Variants in BCAR1 observed in about 807,000 individuals in gnomAD.
The protein encoded by BCAR1 is breast cancer anti-estrogen resistance protein 1.
Under a neutral mutation model 67.6 loss-of-function variants are expected in BCAR1, and 30 were observed. The observed-to-expected ratio is 0.44, with a 90% CI of 0.33 to 0.60. BCAR1 has a LOEUF of 0.60. Ranked by LOEUF, BCAR1 falls within the 20% of genes least tolerant of loss-of-function variation. The pLI is 0.02. For missense variants in BCAR1, 1,313 were observed against 1,222.3 expected, an observed-to-expected ratio of 1.07 and a Z score of -1.11; for synonymous variants, 626 against 556.7, an observed-to-expected ratio of 1.12 and a Z score of -1.75.
At chr16:75,262,211 C>T (rs898891358) in intron 1 of BCAR1, among the ~76,000 whole-genome samples, 3 of 152,134 alleles carry the variant, frequency 2.0e-5, no homozygotes, top group Admixed American at 6.5e-5. Flanking sequence ...AGGCTCTGCA[C>T]GGGGATACAG....
intron 1 of BCAR1, among the ~76,000 whole-genome samples, chr16:75,267,721 G>A (rs1014943018): frequency 3.3e-5 from 5 of 152,148 alleles, no homozygotes; most frequent in South Asian, 2.1e-4. Context: ...AGAATGGGGC[G>A]GGCGGTGGAG....
intron 1 of BCAR1, among the ~76,000 whole-genome samples, chr16:75,244,450 C>A (rs1433360170): frequency 2.0e-5 from 3 of 152,222 alleles, no homozygotes; most frequent in Non-Finnish European, 4.4e-5. Context: ...CACCCTCCTC[C>A]CCTATATGAG....
Position 75,257,115 on chromosome 16 carries a change from G to A in BCAR1, c.66+10800C>T, listed in dbSNP as rs1163466605. On this transcript the variant is annotated intron_variant, in intron 1 of 6. Coordinates refer to the BCAR1 transcript ENST00000393422. ...TCAGAGAGGAAGCTCCATGGCTGGGGGCTGCCCAGCTCTCCACTGACTGGC... is the reference window on the plus strand; with the variant it reads ...TCAGAGAGGAAGCTCCATGGCTGGGAGCTGCCCAGCTCTCCACTGACTGGC... 2.0e-5 allele frequency among the ~76,000 whole-genome samples: 3 copies of A among 152,258 alleles called. No homozygotes were observed. In the East Asian group the frequency reaches 5.8e-4, roughly 29 times the overall value.
At chr16:75,238,208 C>A in intron 2 of BCAR1, 1 of 1,197,068 alleles carries the variant, frequency 8.4e-7, no homozygotes, top group Non-Finnish European at 1.1e-6. Context: ...CGGGTAGGGG[C>A]CATGCCAGGC....
chr16:75,248,781 G>C (rs2077595693), intron 1 of BCAR1: 1 of 153,034 alleles, frequency 6.5e-6, no homozygotes, highest in Non-Finnish European at 1.5e-5. Flanking sequence ...TCGTCGGAGA[G>C]GATGAGGCCG....
chr16:75,248,266 A>G (rs2077578865), intron 1 of BCAR1: 2 of 1,461,534 alleles, frequency 1.4e-6, no homozygotes, highest in African/African-American at 2.8e-5. Context: ...CACGCCCCCA[A>G]CGCACACATG....
intron 1 of BCAR1, among the ~76,000 whole-genome samples, 170 bp downstream of exon 1, chr16:75,251,300 TC>T (rs1182879186): frequency 3.9e-5 from 6 of 151,922 alleles, no homozygotes; most frequent in Non-Finnish European, 7.4e-5. Context: ...CCCCCGCGGT[TC>T]CTGCCTCCCG....
intron 1 of BCAR1, among the ~76,000 whole-genome samples, chr16:75,250,362 C>G (rs2077640691): frequency 6.6e-6 from 1 of 152,202 alleles, no homozygotes; most frequent in South Asian, 2.1e-4. Context: ...CCCCCACCAC[C>G]CAACTCTCCA....
intron 2 of BCAR1, among the ~76,000 whole-genome samples, chr16:75,242,167 T>C (rs1372255227): frequency 6.6e-6 from 1 of 152,194 alleles, no homozygotes; most frequent in Non-Finnish European, 1.5e-5. Context: ...GCCGACCCCA[T>C]GTGCCAAGCC....
chr16:75,248,276 G>A lies in BCAR1; in HGVS notation c.12+3195C>T, dbSNP rs111845706. 92 of 1,446,096 alleles carry A rather than the reference G, an allele frequency of 6.4e-5. 4 individuals are homozygous for A. The African/African-American group carries it at 7.1e-4, about 11-fold the overall frequency. The allele number at this position is 1,446,096 out of a possible 1,614,324, so 89.6% of individuals were successfully genotyped here. A position where few individuals can be genotyped will look rare whatever the true frequency, so the allele number is the denominator to read the frequency against. ...CTGTCCACGCCCCCAACGCACACAT[G>A]CACCCGCCCCAGCACAGAGCCTCGC... On this transcript the variant is annotated intron_variant, in intron 1 of 6. Transcript: ENST00000162330.
At chr16:75,230,123 C>G in intron 6 of BCAR1, 100 bp from the exon 7 acceptor site, 1 of 1,421,370 alleles carries the variant, frequency 7.0e-7, no homozygotes, top group Non-Finnish European at 9.4e-7. Context: ...CTAAAAGGGC[C>G]GCTACTCAGA....
intron 2 of BCAR1, chr16:75,238,560 G>A (rs1359976568): frequency 3.0e-6 from 3 of 989,048 alleles, no homozygotes; most frequent in East Asian, 1.1e-4. Context: ...TGGCAGAGGC[G>A]CCAGCACCCC....
intron 1 of BCAR1, chr16:75,265,720 C>T: frequency 8.5e-7 from 1 of 1,170,874 alleles, no homozygotes; most frequent in Non-Finnish European, 1.1e-6. Context: ...GTGAGGCGAC[C>T]CCCAGTCCGG....
upstream of BCAR1, among the ~76,000 whole-genome samples, chr16:75,256,453 G>A (rs2077778489): frequency 6.6e-6 from 1 of 152,036 alleles, no homozygotes; most frequent in African/African-American, 2.4e-5. Context: ...CAGAGACCCG[G>A]GGGCAGGGGC....
rs1346430109 is a variant in BCAR1, at chr16:75,237,237, G to A, written c.741C>T (p.Asp247=). ...CCCGAACCGGGGGCACATCATAGAT[G>A]TCCTGTGGCCCCGGGGCCAGCAGGT... ...PRHLLAPGPQ[D]IYDVPPVRGL... is the part of the protein sequence containing the mutation. The change falls in exon 3 of 7, where the codon GAC becomes GAT. Residue 247 remains aspartate (D), a synonymous_variant. Transcript: ENST00000162330. 15 of 1,550,456 alleles carry A rather than the reference G, an allele frequency of 9.7e-6. No individual in the cohort carries two copies. The highest frequency in any genetic ancestry group is 1.3e-5 in the Non-Finnish European group (15 of 1,152,622).
chr16:75,247,867 G>A (rs1244283374), intron 1 of BCAR1: 1 of 626,008 alleles, frequency 1.6e-6, no homozygotes, highest in South Asian at 1.9e-5. Flanking sequence ...AAAATGGCAA[G>A]AACTCCTGTT....
At chr16:75,263,300 A>C in intron 1 of BCAR1, 1 of 985,450 alleles carries the variant, frequency 1.0e-6, no homozygotes. Context: ...TGGACTCCCA[A>C]GCCAATGCCA....
chr16:75,267,929 C>A (rs368972085), exon 1 of BCAR1: 3 of 1,602,760 alleles, frequency 1.9e-6, no homozygotes, highest in African/African-American at 1.3e-5. Context: ...AGGCAGGGAT[C>A]CTTGGGTGTG....
intron 1 of BCAR1, among the ~76,000 whole-genome samples, chr16:75,243,911 G>A (rs973839405): frequency 6.6e-6 from 1 of 152,240 alleles, no homozygotes. Flanking sequence ...GGTGCCAGGC[G>A]CAGGATGGGC....
Sources: gnomAD v4.1 joint callset for allele counts (sites outside exome capture counted in the v4.1 genomes callset) on GRCh38, gnomAD v4.1.1 for gene constraint, MANE v1.5 for transcripts, NCBI Gene and HGNC (gene_info 2026-07-23, HGNC 2026-07-21) for gene names.